The following TTLL11 variants were observed in gnomAD, a reference collection of about 807,000 sequenced individuals.
The protein encoded by TTLL11 is tubulin tyrosine ligase like 11.
TTLL11 carries 42 observed loss-of-function variants against 51.7 expected under a neutral mutation model. The ratio of observed to expected loss-of-function variants is 0.81; its 90% CI spans 0.64 to 1.05. TTLL11 has a LOEUF of 1.05. Ranked by LOEUF, TTLL11 falls within the 50% of genes least tolerant of loss-of-function variation. The pLI, the probability that TTLL11 is intolerant of heterozygous loss-of-function variation, is 0.00. For missense variants in TTLL11, 799 were observed against 940.4 expected, an observed-to-expected ratio of 0.85 and a Z score of 1.97; for synonymous variants, 381 against 383.5, an observed-to-expected ratio of 0.99 and a Z score of 0.08.
chr9:121,823,934 G>A lies in TTLL11; in HGVS notation c.1841-1055C>T, dbSNP rs560841660. The stretch of plus-strand genomic sequence containing the variant: ...CTTCCCTGATCCCCAGATTAGACCC[G>A]GCCCCGGTACAGGATTCCTGCACTT... On this transcript the variant is annotated intron_variant, in intron 8 of 8. Transcript: ENST00000321582. Among the ~76,000 whole-genome samples the A allele has an allele frequency of 5.3e-5, 8 of 152,190 alleles. No individual in the cohort carries two copies. The South Asian group carries it at 8.3e-4, about 16-fold the overall frequency.
At chr9:121,952,153 G>T (rs539387935) in intron 6 of TTLL11, among the ~76,000 whole-genome samples, 42 of 152,274 alleles carry the variant, frequency 2.8e-4, no homozygotes, top group African/African-American at 9.9e-4. Context: ...CAGCCCAAAA[G>T]TGGAGGACTA....
intron 6 of TTLL11, among the ~76,000 whole-genome samples, chr9:121,960,861 G>A (rs138290495): frequency 0.015 from 2,234 of 152,110 alleles, 26 homozygotes; most frequent in Non-Finnish European, 0.021. Context: ...TGAGATGCAC[G>A]CCCAGAGAGG....
At chr9:122,076,496 C>T (rs1260493092) in intron 1 of TTLL11, among the ~76,000 whole-genome samples, 1 of 152,170 alleles carries the variant, frequency 6.6e-6, no homozygotes, top group Non-Finnish European at 1.5e-5. Flanking sequence ...TAAGTCTCTG[C>T]TCAGAATGTC....
intron 3 of TTLL11, among the ~76,000 whole-genome samples, chr9:121,996,023 G>A (rs1456237848): frequency 1.3e-5 from 2 of 152,202 alleles, no homozygotes; most frequent in Admixed American, 6.5e-5. Flanking sequence ...AATCTAAGCA[G>A]CAAAGAAAGC....
At chr9:121,987,512 C>T (rs1842968505) in intron 4 of TTLL11, among the ~76,000 whole-genome samples, 1 of 152,114 alleles carries the variant, frequency 6.6e-6, no homozygotes, top group Admixed American at 6.5e-5. Flanking sequence ...CCCTTCCCTC[C>T]CACACTCTGG....
intron 3 of TTLL11, among the ~76,000 whole-genome samples, chr9:122,021,231 A>G (rs915098099): frequency 1.4e-5 from 2 of 140,626 alleles, no homozygotes; most frequent in Non-Finnish European, 3.0e-5. Context: ...GAAAGATTCC[A>G]GGCTGCAGTG....
chr9:122,024,524 G>A (rs1016389989), intron 3 of TTLL11, among the ~76,000 whole-genome samples: 1 of 152,154 alleles, frequency 6.6e-6, no homozygotes, highest in Non-Finnish European at 1.5e-5. Context: ...TACACTACCT[G>A]ATTTCAAGGC....
At chr9:121,903,914 T>G (rs1198108445) in intron 6 of TTLL11, among the ~76,000 whole-genome samples, 1 of 152,248 alleles carries the variant, frequency 6.6e-6, no homozygotes, top group Non-Finnish European at 1.5e-5. Flanking sequence ...GACATTTATC[T>G]TGTTATTTTA....
At chr9:122,003,483 C>CTTTT (rs398012131) in intron 3 of TTLL11, among the ~76,000 whole-genome samples, 7 of 116,448 alleles carry the variant, frequency 6.0e-5, no homozygotes, top group African/African-American at 1.7e-4. Flanking sequence ...GCATACGTTC[C>CTTTT]TTTTTTTTTT....
Position 121,870,541 on chromosome 9 carries a change from C to T in TTLL11, c.1689G>A (p.Lys563=). The T allele has an allele frequency of 6.4e-7, 1 of 1,551,672 alleles. No homozygotes were observed. The highest frequency in any genetic ancestry group is 8.7e-7 in the Non-Finnish European group (1 of 1,146,996). ...ANLFIRFLGI[K]GTMKLGPTGF... ...CTGTTGGCCCCAACTTCATTGTCCC[C>T]TTGATGCCCAGGAACCGGATAAACA... The change falls in exon 7 of 9, where the codon AAG becomes AAA. Residue 563 remains lysine, a synonymous_variant. Transcript: ENST00000321582.
chr9:121,940,463 G>A (rs993558092), intron 6 of TTLL11, among the ~76,000 whole-genome samples: 5 of 151,778 alleles, frequency 3.3e-5, no homozygotes, highest in African/African-American at 1.2e-4. Context: ...TCAGCCTCCC[G>A]AGTAGTTGGA....
intron 7 of TTLL11, among the ~76,000 whole-genome samples, chr9:121,861,611 T>C (rs1310907315): frequency 6.6e-6 from 1 of 152,118 alleles, no homozygotes; most frequent in Non-Finnish European, 1.5e-5. Context: ...CTCATCTTCC[T>C]ATCTCTTAGT....
At position 121,890,778 on chromosome 9, in the gene TTLL11, T is replaced by C. The variant is rs1839199058; in HGVS notation, c.1482-20030A>G. 6.6e-6 allele frequency among the ~76,000 whole-genome samples: 1 copy of C among 152,020 alleles called. No homozygotes were observed. The highest frequency in any genetic ancestry group is 1.5e-5 in the Non-Finnish European group (1 of 68,046). ...GCTCAATAAACACTGGCTAGGTGCA[T>C]GAATGCATGAATGGGTGCATGAATG... On this transcript the variant is annotated intron_variant, in intron 6 of 8. Coordinates refer to ENST00000321582, the MANE Select transcript of TTLL11 (RefSeq NM_001139442.2). This position sits in a 1 kb window ranked among gnomAD's most constrained non-coding sequence, Gnocchi z 4.3.
chr9:122,055,272 A>G (rs898558407), intron 1 of TTLL11, among the ~76,000 whole-genome samples: 3 of 151,290 alleles, frequency 2.0e-5, no homozygotes, highest in African/African-American at 7.3e-5. Context: ...ATTAACTCAC[A>G]TGATCACAAG....
intron 1 of TTLL11, among the ~76,000 whole-genome samples, chr9:122,088,445 A>T (rs748597749): frequency 6.6e-6 from 1 of 152,216 alleles, no homozygotes; most frequent in Non-Finnish European, 1.5e-5. Flanking sequence ...CACAGAATTG[A>T]AGCCTGGTTT....
Position 121,870,723 on chromosome 9 carries a change from C to G in TTLL11, c.1507G>C (p.Ala503Pro). Residue 503 changes from alanine (A) to proline (P), a missense_variant, in exon 7 of 9, where the codon GCT becomes CCT. Transcript: ENST00000321582. ...NQSQQLEKPFAGKEDALDGEL... is the reference protein window; with the variant it reads ...NQSQQLEKPFPGKEDALDGEL... Reference sequence around the variant, plus strand: ...CCGTCCAAAGCATCTTCCTTTCCAGCGAATGGTTTTTCAAGCTGCTGAGAC... The same window carrying G: ...CCGTCCAAAGCATCTTCCTTTCCAGGGAATGGTTTTTCAAGCTGCTGAGAC... 9 of 1,548,418 alleles carry G rather than the reference C, an allele frequency of 5.8e-6. No homozygotes were observed. Among genetic ancestry groups the G allele is most frequent in the Non-Finnish European group, 7.9e-6 (9 of 1,144,662 alleles).
chr9:121,905,707 A>G (rs1839921099), intron 6 of TTLL11, among the ~76,000 whole-genome samples: 1 of 152,160 alleles, frequency 6.6e-6, no homozygotes, highest in South Asian at 2.1e-4. Flanking sequence ...ACCTATAGAC[A>G]TCATCTTTAA....
At chr9:121,990,654 C>T (rs751483484) in intron 3 of TTLL11, among the ~76,000 whole-genome samples, 18 of 152,158 alleles carry the variant, frequency 1.2e-4, no homozygotes, top group Admixed American at 9.2e-4. Context: ...AAGGGCCAAG[C>T]GCAACACCAA....
intron 4 of TTLL11, among the ~76,000 whole-genome samples, chr9:121,983,112 T>C (rs1247481307): frequency 6.6e-6 from 1 of 152,202 alleles, no homozygotes; most frequent in Non-Finnish European, 1.5e-5. Flanking sequence ...TAGAAGCGGT[T>C]ACATTTGGGA....
Sources: allele counts gnomAD v4.1 joint callset (sites outside exome capture counted in the v4.1 genomes callset), GRCh38; gene constraint gnomAD v4.1.1; non-coding constraint Gnocchi (gnomAD v3.1); transcripts MANE v1.5; gene names NCBI Gene and HGNC (gene_info 2026-07-23, HGNC 2026-07-21).